The following CLASP1 variants were observed in gnomAD, a reference collection of about 807,000 sequenced individuals.
The protein encoded by CLASP1 is CLIP-associating protein 1.
Under a neutral mutation model 192.3 loss-of-function variants are expected in CLASP1, and 38 were observed. The observed-to-expected ratio is 0.20, with a 90% CI of 0.15 to 0.26. CLASP1 has a LOEUF of 0.26. CLASP1 is among the 10% of genes least tolerant of loss of function. The pLI, the probability that CLASP1 is intolerant of heterozygous loss-of-function variation, is 1.00. For missense variants in CLASP1, 1,433 were observed against 1,932.5 expected, an observed-to-expected ratio of 0.74 and a Z score of 4.85; for synonymous variants, 691 against 712.8, an observed-to-expected ratio of 0.97 and a Z score of 0.49.
chr2:121,561,209 A>T (rs1385786016), intron 2 of CLASP1, among the ~76,000 whole-genome samples: 2 of 152,210 alleles, frequency 1.3e-5, no homozygotes, highest in African/African-American at 4.8e-5. Context: ...ACGCAGCCCA[A>T]TGTTTTGCAA....
intron 22 of CLASP1, among the ~76,000 whole-genome samples, chr2:121,423,475 C>A (rs923748840): frequency 1.3e-5 from 2 of 151,960 alleles, no homozygotes; most frequent in Non-Finnish European, 2.9e-5. Context: ...ATTAAAATGG[C>A]ATCTTTAATA....
At chr2:121,447,130 A>T (rs764688349) in intron 19 of CLASP1, among the ~76,000 whole-genome samples, 5 of 152,206 alleles carry the variant, frequency 3.3e-5, no homozygotes, top group Non-Finnish European at 5.9e-5. Context: ...CTTACTCAGC[A>T]CTAAAACGGA....
At chr2:121,352,964 A>G (rs2064775586) in intron 37 of CLASP1, among the ~76,000 whole-genome samples, 1 of 152,178 alleles carries the variant, frequency 6.6e-6, no homozygotes, top group Non-Finnish European at 1.5e-5. Context: ...GAGGATTTTA[A>G]AGTATCTACT....
chr2:121,609,089 T>C (rs188707102), intron 1 of CLASP1, among the ~76,000 whole-genome samples: 3 of 152,328 alleles, frequency 2.0e-5, no homozygotes, highest in Admixed American at 6.5e-5. Context: ...CTTGAAAACA[T>C]TATTAGAAGT....
intron 14 of CLASP1, among the ~76,000 whole-genome samples, chr2:121,453,024 C>T (rs984227973): frequency 2.0e-5 from 3 of 152,176 alleles, no homozygotes; most frequent in Admixed American, 1.3e-4. Flanking sequence ...CAGCGGCTCA[C>T]GCCTGTAATC....
chr2:121,489,413 G>A (rs1283752701), intron 8 of CLASP1, among the ~76,000 whole-genome samples: 1 of 152,186 alleles, frequency 6.6e-6, no homozygotes, highest in Non-Finnish European at 1.5e-5. Context: ...AGTCCTGGAT[G>A]TGTGCCCAAT....
intron 2 of CLASP1, among the ~76,000 whole-genome samples, chr2:121,544,354 T>C (rs1242261418): frequency 6.6e-6 from 1 of 151,874 alleles, no homozygotes; most frequent in African/African-American, 2.4e-5. Context: ...CTTCCACTGA[T>C]TTTTCTCAGA....
chr2:121,571,747 G>A (rs1447683119), intron 2 of CLASP1, among the ~76,000 whole-genome samples: 1 of 152,172 alleles, frequency 6.6e-6, no homozygotes, highest in Non-Finnish European at 1.5e-5. Context: ...GGGGTGGCAG[G>A]AGGATGCACC....
chr2:121,358,081 T>C (rs577270066), intron 37 of CLASP1, among the ~76,000 whole-genome samples: 9 of 152,348 alleles, frequency 5.9e-5, no homozygotes, highest in African/African-American at 2.2e-4. Context: ...ATCAAACATT[T>C]ATTGGAGTTT....
chr2:121,638,728 C>A (rs939863013), intron 1 of CLASP1, among the ~76,000 whole-genome samples: 7 of 151,102 alleles, frequency 4.6e-5, no homozygotes, highest in African/African-American at 1.5e-4. Flanking sequence ...AGTGCAGTGG[C>A]ATGATCTCGG....
At chr2:121,370,512 A>G (rs1407461104) in intron 34 of CLASP1, among the ~76,000 whole-genome samples, 1 of 152,116 alleles carries the variant, frequency 6.6e-6, no homozygotes, top group Non-Finnish European at 1.5e-5. Context: ...TTTAGTAGAG[A>G]TGGGGTTTCA....
chr2:121,523,493 G>C (rs1246698740), intron 6 of CLASP1, among the ~76,000 whole-genome samples: 1 of 152,154 alleles, frequency 6.6e-6, no homozygotes, highest in Non-Finnish European at 1.5e-5. Flanking sequence ...TTTTAAGTGA[G>C]ACCTCCTCTA....
intron 25 of CLASP1, among the ~76,000 whole-genome samples, chr2:121,406,879 C>T (rs1370838631): frequency 6.6e-6 from 1 of 152,048 alleles, no homozygotes; most frequent in Non-Finnish European, 1.5e-5. Context: ...GTATGAGCCA[C>T]TGTGTCCACC....
intron 39 of CLASP1, among the ~76,000 whole-genome samples, chr2:121,344,318 A>AT (rs1009113062): frequency 2.7e-5 from 4 of 150,704 alleles, no homozygotes; most frequent in African/African-American, 7.3e-5. Flanking sequence ...GGTATCACTT[A>AT]TTTTTTTTCT....
exon 2 of CLASP1, chr2:121,605,940 C>A (rs2105913795): frequency 1.3e-6 from 2 of 1,564,260 alleles, no homozygotes; most frequent in Non-Finnish European, 1.8e-6. Flanking sequence ...AGGGCAGTCA[C>A]GATGACTCCC....
At chr2:121,569,886 A>G (rs149910183) in intron 2 of CLASP1, among the ~76,000 whole-genome samples, 2 of 152,264 alleles carry the variant, frequency 1.3e-5, no homozygotes, top group Non-Finnish European at 2.9e-5. Flanking sequence ...GAGGCTCACC[A>G]TGGCCAACCT....
At chr2:121,534,494 ATCT>A in intron 2 of CLASP1, among the ~76,000 whole-genome samples, 1 of 152,160 alleles carries the variant, frequency 6.6e-6, no homozygotes, top group South Asian at 2.1e-4. Context: ...CATCCTAATA[ATCT>A]AGTCCTCGGA....
chr2:121,497,622 T>C (rs1391382873), intron 8 of CLASP1, among the ~76,000 whole-genome samples: 1 of 152,210 alleles, frequency 6.6e-6, no homozygotes, highest in East Asian at 1.9e-4. Context: ...TTTAAGAATT[T>C]AATGGCTAAT....
chr2:121,443,218 A>G (rs566694407), intron 19 of CLASP1, among the ~76,000 whole-genome samples: 1 of 152,016 alleles, frequency 6.6e-6, no homozygotes, highest in African/African-American at 2.4e-5. Flanking sequence ...CCAGAGAGTT[A>G]GTCTCCTGGA....
Sources: allele counts gnomAD v4.1 joint callset (sites outside exome capture counted in the v4.1 genomes callset), GRCh38; gene constraint gnomAD v4.1.1; transcripts MANE v1.5; gene names NCBI Gene and HGNC (gene_info 2026-07-23, HGNC 2026-07-21).